The following ADGRL3 variants were observed in gnomAD, a reference collection of about 807,000 sequenced individuals.
The protein encoded by ADGRL3 is calcium-independent alpha-latrotoxin receptor 3.
In ADGRL3, 62 loss-of-function variants were observed where a neutral mutation model predicts 153.5. The ratio of observed to expected loss-of-function variants is 0.40; its 90% confidence interval spans 0.33 to 0.50. ADGRL3 has a LOEUF of 0.50. Ranked by LOEUF, ADGRL3 falls within the 20% of genes least tolerant of loss-of-function variation. The probability of loss-of-function intolerance (pLI) is 0.47; values close to 1 mark genes in which losing one functional copy is unlikely to be tolerated. For synonymous variants in ADGRL3, 710 were observed against 672.5 expected, an observed-to-expected ratio of 1.06 and a Z score of -0.86; for missense variants, 1,641 against 1,859.4, an observed-to-expected ratio of 0.88 and a Z score of 2.16.
At chr4:61,718,515 G>T (rs752354109) in intron 6 of ADGRL3, among the ~76,000 whole-genome samples, 3 of 152,082 alleles carry the variant, frequency 2.0e-5, no homozygotes, top group Non-Finnish European at 4.4e-5. Flanking sequence ...GTTCTTTAAA[G>T]TTGAATTTTT....
intron 9 of ADGRL3, among the ~76,000 whole-genome samples, chr4:61,855,472 T>TA (rs1174355229): frequency 2.0e-5 from 3 of 152,194 alleles, no homozygotes; most frequent in Non-Finnish European, 1.5e-5. Context: ...AGTTCTGACT[T>TA]AAAACTCATT....
intron 1 of ADGRL3, among the ~76,000 whole-genome samples, chr4:61,353,064 AG>A (rs1212476285): frequency 6.6e-6 from 1 of 152,178 alleles, no homozygotes; most frequent in Admixed American, 6.5e-5. Context: ...ACCGTATCTT[AG>A]GGAGACAGGC....
At position 62,028,861 on chromosome 4, in the gene ADGRL3, G is replaced by T; in HGVS notation, c.3402G>T (p.Glu1134Asp). ...ESGCLDNINY[E>D]DNRPFIKSWV... ...ATGTCTATGCATTCTTTAGCTATGA[G>T]GATAACAGACCCTTCATCAAGTAAG... The change falls in exon 22 of 27, where the codon GAG becomes GAT. Residue 1134 changes from glutamate (E) to aspartate (D), a missense_variant. By Grantham distance (45) the Glu-to-Asp change is conservative. Coordinates refer to ENST00000683033, the MANE Select transcript of ADGRL3 (RefSeq NM_001387552.1). 6.2e-7 allele frequency: 1 copy of T among 1,605,434 alleles called. No individual in the cohort carries two copies. The highest frequency in any genetic ancestry group is 8.5e-7 in the Non-Finnish European group (1 of 1,175,196).
intron 6 of ADGRL3, chr4:61,677,156 A>G: frequency 2.0e-6 from 1 of 494,530 alleles, no homozygotes; most frequent in Non-Finnish European, 3.6e-6. Context: ...TCTGTATATG[A>G]ATACGTGTTC....
At chr4:61,724,731 G>T (rs1341892951) in intron 6 of ADGRL3, among the ~76,000 whole-genome samples, 1 of 152,054 alleles carries the variant, frequency 6.6e-6, no homozygotes, top group Non-Finnish European at 1.5e-5. Flanking sequence ...CAGAATTTTT[G>T]ATATGCAATA....
At chr4:61,217,080 A>C (rs1313663349) in intron 1 of ADGRL3, among the ~76,000 whole-genome samples, 1 of 152,232 alleles carries the variant, frequency 6.6e-6, no homozygotes, top group Admixed American at 6.5e-5. Context: ...TTAGCACTAG[A>C]TGTCTGCAGG....
rs73825603 is a variant in ADGRL3 at position 62,070,883 on chromosome 4, C to T, written c.4607C>T (p.Pro1536Leu). 1,391 of 1,550,228 alleles carry T rather than the reference C, an allele frequency of 9.0e-4. 14 individuals carry two copies. The African/African-American group carries it at 0.017, about 19-fold the overall frequency. Residue 1536 changes from proline to leucine, a missense_variant, in exon 27 of 27, where the codon CCG (proline) becomes CTG (leucine). This residue lies in a region of ADGRL3 where 517 missense variants were observed against 555.0 expected (regional missense o/e 0.93). Transcript: ENST00000683033. ...GTPPEGSSKG[P>L]AHLVTSL ...CCTCCCGAGGGAAGTTCAAAAGGAC[C>T]GGCTCATTTGGTCACTAGTCTATAG...
chr4:61,325,085 G>A (rs1357120670), intron 1 of ADGRL3, among the ~76,000 whole-genome samples: 1 of 152,160 alleles, frequency 6.6e-6, no homozygotes, highest in Non-Finnish European at 1.5e-5. Context: ...AAGCTGAAGT[G>A]GGTGAATCAC....
chr4:61,747,456 C>G (rs1327770275), intron 8 of ADGRL3, among the ~76,000 whole-genome samples: 1 of 151,006 alleles, frequency 6.6e-6, no homozygotes, highest in African/African-American at 2.4e-5. Flanking sequence ...CAAAAATCCT[C>G]AATAAAATAC....
intron 2 of ADGRL3, among the ~76,000 whole-genome samples, chr4:61,392,215 T>G (rs1281726658): frequency 6.6e-6 from 1 of 151,968 alleles, no homozygotes; most frequent in Admixed American, 6.6e-5. Context: ...TTTTTGTCTT[T>G]TCTTTATGAG....
intron 5 of ADGRL3, among the ~76,000 whole-genome samples, chr4:61,667,343 GA>G (rs1209436038): frequency 6.6e-6 from 1 of 152,048 alleles, no homozygotes; most frequent in Non-Finnish European, 1.5e-5. Context: ...TTTATAGTAA[GA>G]AAATCAAAAG....
intron 1 of ADGRL3, among the ~76,000 whole-genome samples, chr4:61,304,706 A>C (rs2094708706): frequency 6.6e-6 from 1 of 152,020 alleles, no homozygotes; most frequent in Non-Finnish European, 1.5e-5. Context: ...AGTTCTGATC[A>C]TGTCTGTTTT....
At chr4:61,982,418 T>C (rs562241435) in intron 18 of ADGRL3, among the ~76,000 whole-genome samples, 149 of 152,310 alleles carry the variant, frequency 9.8e-4, no homozygotes, top group Middle Eastern at 3.4e-3. Context: ...TTCATTGTCA[T>C]CTTTGTGACC....
At chr4:61,840,253 T>C (rs2098008958) in intron 9 of ADGRL3, among the ~76,000 whole-genome samples, 1 of 152,120 alleles carries the variant, frequency 6.6e-6, no homozygotes, top group Non-Finnish European at 1.5e-5. Context: ...CTAATTTTTG[T>C]ATTTTTTGTG....
chr4:61,972,776 C>A (rs2099033696), intron 17 of ADGRL3, among the ~76,000 whole-genome samples: 1 of 152,164 alleles, frequency 6.6e-6, no homozygotes, highest in Middle Eastern at 3.4e-3. Context: ...AATATTGATT[C>A]TTCCTACCCA....
At chr4:61,484,240 C>A (rs919576746) in intron 2 of ADGRL3, among the ~76,000 whole-genome samples, 3 of 152,130 alleles carry the variant, frequency 2.0e-5, no homozygotes, top group African/African-American at 7.2e-5. Flanking sequence ...CAAATGGATC[C>A]ATTCCACTTG....
At chr4:61,789,343 C>T (rs1280623462) in intron 8 of ADGRL3, among the ~76,000 whole-genome samples, 1 of 151,690 alleles carries the variant, frequency 6.6e-6, no homozygotes, top group African/African-American at 2.4e-5. Context: ...GAAGAAACTC[C>T]TAGAGAGAAG....
chr4:61,610,364 G>A (rs544968260), intron 5 of ADGRL3, among the ~76,000 whole-genome samples: 1 of 152,022 alleles, frequency 6.6e-6, no homozygotes, highest in Non-Finnish European at 1.5e-5. Context: ...TTACCCAGGG[G>A]TATGTCAGCA....
intron 4 of ADGRL3, among the ~76,000 whole-genome samples, chr4:61,558,712 G>A (rs888118332): frequency 4.6e-5 from 7 of 151,742 alleles, no homozygotes; most frequent in Non-Finnish European, 8.8e-5. Flanking sequence ...TGGCTATCTA[G>A]ATTTACTGCC....
Sources: gnomAD v4.1 joint callset for allele counts (sites outside exome capture counted in the v4.1 genomes callset) on GRCh38, gnomAD v4.1.1 for gene constraint, gnomAD v4.1.1 regional missense constraint, MANE v1.5 for transcripts, NCBI Gene and HGNC (gene_info 2026-07-23, HGNC 2026-07-21) for gene names.